Variants in MAP1B observed in about 807,000 individuals in gnomAD.
MAP1B encodes the protein microtubule-associated protein 1B.
A neutral mutation model predicts 176.1 loss-of-function variants in MAP1B; 12 were observed. The ratio of observed to expected loss-of-function variants is 0.07; its 90% CI spans 0.04 to 0.11. The LOEUF (loss-of-function observed/expected upper bound fraction) is 0.11. MAP1B is among the 10% of genes least tolerant of loss of function. The pLI is 1.00. For synonymous variants in MAP1B, 1,044 were observed against 1,135.0 expected, an observed-to-expected ratio of 0.92 and a Z score of 1.61; for missense variants, 2,523 against 2,990.5, an observed-to-expected ratio of 0.84 and a Z score of 3.65.
intron 2 of MAP1B, among the ~76,000 whole-genome samples, chr5:72,180,888 C>T (rs548962357): frequency 3.3e-5 from 5 of 152,262 alleles, no homozygotes; most frequent in Non-Finnish European, 5.9e-5. Flanking sequence ...TGTGCCTTGT[C>T]TGTTTTAACA....
intron 2 of MAP1B, among the ~76,000 whole-genome samples, chr5:72,122,540 G>C (rs2112129917): frequency 6.6e-6 from 1 of 152,128 alleles, no homozygotes; most frequent in South Asian, 2.1e-4. Flanking sequence ...CAGCAGAAAG[G>C]AATAAAATGG....
In MAP1B at chr5:72,199,335, T is replaced by G; in HGVS notation, c.5980T>G (p.Ser1994Ala). 1 of 1,614,152 alleles carries G rather than the reference T, an allele frequency of 6.2e-7. No individual in the cohort carries two copies. Residue 1994 changes from serine (S) to alanine (A), a missense_variant, in exon 5 of 7, where the codon TCT (serine) becomes GCT (alanine). Around this residue, in one of 4 missense-constraint regions of MAP1B, gnomAD observed 1,925 missense variants for 2,126.0 expected, o/e 0.91. Coordinates refer to ENST00000296755, the MANE Select transcript of MAP1B (RefSeq NM_005909.5). The surrounding 1 kb of genome is among the most constrained non-coding windows in gnomAD (Gnocchi z 4.2). ...LDDISNGYDD[S>A]EDGGHTLGDP... ...TGACATCAGCAATGGCTATGATGAC[T>G]CTGAGGATGGTGGCCACACACTTGG...
At chr5:72,181,675 A>C (rs1267644997) in intron 2 of MAP1B, among the ~76,000 whole-genome samples, 3 of 150,578 alleles carry the variant, frequency 2.0e-5, no homozygotes, top group African/African-American at 7.3e-5. Flanking sequence ...CTCCTGCCTC[A>C]GCCTCCCATG....
intron 2 of MAP1B, among the ~76,000 whole-genome samples, chr5:72,153,600 C>T (rs1461494559): frequency 3.3e-5 from 5 of 151,694 alleles, no homozygotes; most frequent in South Asian, 2.1e-4. Context: ...TGATATGTGG[C>T]GTGTGGTGGT....
At chr5:72,192,250 T>C (rs1747040434) in intron 4 of MAP1B, among the ~76,000 whole-genome samples, 1 of 152,196 alleles carries the variant, frequency 6.6e-6, no homozygotes, top group African/African-American at 2.4e-5. Context: ...AAAAACCATA[T>C]TTGATGCCCT....
intron 1 of MAP1B, among the ~76,000 whole-genome samples, chr5:72,108,150 A>C (rs1745157047): frequency 6.6e-6 from 1 of 152,154 alleles, no homozygotes; most frequent in African/African-American, 2.4e-5. Context: ...GCCGAAGCCC[A>C]TGTGCCAGGG....
At position 72,194,835 on chromosome 5, in the gene MAP1B, A is replaced by G. The variant is rs1747110912; in HGVS notation, c.1480A>G (p.Thr494Ala). The G allele has an allele frequency of 6.2e-7, 1 of 1,614,170 alleles. No individual in the cohort carries two copies. Among genetic ancestry groups the G allele is most frequent in the Non-Finnish European group, 8.5e-7 (1 of 1,180,026 alleles). ...CCGAGTCCTGTTTCCTGGGAACAGC[A>G]CCCAGTACAACATCCTGGAAGGGTT... ...IIRVLFPGNSTQYNILEGLEK... is the reference protein window; with the variant it reads ...IIRVLFPGNSAQYNILEGLEK... The change falls in exon 5 of 7, where the codon ACC becomes GCC. Residue 494 changes from threonine to alanine, a missense_variant. Physicochemically the swap from Thr to Ala is moderately conservative, Grantham distance 58. Around this residue, in one of 4 missense-constraint regions of MAP1B, gnomAD observed 1,925 missense variants for 2,126.0 expected, o/e 0.91. Transcript: ENST00000296755. The surrounding 1 kb of genome is among the most constrained non-coding windows in gnomAD (Gnocchi z 7.2).
At chr5:72,182,830 C>T (rs1021255467) in intron 2 of MAP1B, among the ~76,000 whole-genome samples, 2 of 152,188 alleles carry the variant, frequency 1.3e-5, no homozygotes, top group East Asian at 3.8e-4. Flanking sequence ...AGAGAACACC[C>T]ACTTCCCTGT....
At chr5:72,117,993 C>T (rs1032150154) in intron 2 of MAP1B, among the ~76,000 whole-genome samples, 3 of 152,182 alleles carry the variant, frequency 2.0e-5, no homozygotes, top group Admixed American at 1.3e-4. Flanking sequence ...ATGGAGATCA[C>T]AGGATGATCA....
chr5:72,145,724 G>A (rs1308992117), intron 2 of MAP1B, among the ~76,000 whole-genome samples: 1 of 152,220 alleles, frequency 6.6e-6, no homozygotes, highest in Non-Finnish European at 1.5e-5. Context: ...ATGATGATGG[G>A]AAATTGAGTT....
At chr5:72,201,077 G>T (rs10515142) in intron 5 of MAP1B, among the ~76,000 whole-genome samples, 16,842 of 152,118 alleles carry the variant, frequency 0.11, 2,186 homozygotes, top group African/African-American at 0.32. Context: ...AAATTCCACT[G>T]GGAAGCTAGA....
chr5:72,151,545 G>A (rs1279908063), intron 2 of MAP1B, among the ~76,000 whole-genome samples: 1 of 152,214 alleles, frequency 6.6e-6, no homozygotes. Flanking sequence ...AGGAAACATG[G>A]TCAAAGATGA....
At chr5:72,201,199 C>CAA (rs754841956) in intron 5 of MAP1B, among the ~76,000 whole-genome samples, 2 of 135,372 alleles carry the variant, frequency 1.5e-5, no homozygotes, top group East Asian at 2.1e-4. Context: ...CCTGTCTCCA[C>CAA]AAAAAAAAAA....
intron 2 of MAP1B, among the ~76,000 whole-genome samples, chr5:72,178,812 A>C (rs1030374278): frequency 2.0e-5 from 3 of 151,650 alleles, no homozygotes; most frequent in African/African-American, 7.3e-5. Flanking sequence ...TCCCGCAAGC[A>C]TCCTAGAAAT....
chr5:72,161,247 C>T (rs1337414280), intron 2 of MAP1B, among the ~76,000 whole-genome samples: 1 of 152,146 alleles, frequency 6.6e-6, no homozygotes, highest in East Asian at 1.9e-4. Context: ...GGCTTTGGAT[C>T]AATCACTTAA....
chr5:72,154,117 G>T (rs1038441003), intron 2 of MAP1B, among the ~76,000 whole-genome samples: 2 of 152,066 alleles, frequency 1.3e-5, no homozygotes, highest in Non-Finnish European at 2.9e-5. Flanking sequence ...AATTCCATGG[G>T]GTGTTCATTT....
rs983924535 is a variant in MAP1B at position 72,199,127 on chromosome 5, G to T, written c.5772G>T (p.Glu1924Asp). The T allele has an allele frequency of 2.4e-5, 39 of 1,613,984 alleles. No homozygotes were observed. Among genetic ancestry groups the T allele is most frequent in the Non-Finnish European group, 3.0e-5 (35 of 1,180,022 alleles). ...KSPSDSGYSY[E>D]TIGKTTKTPE... Reference sequence around the variant, plus strand: ...CAAGTGACAGTGGCTACTCCTATGAGACCATTGGGAAAACTACCAAGACCC... The same window carrying T: ...CAAGTGACAGTGGCTACTCCTATGATACCATTGGGAAAACTACCAAGACCC... The change falls in exon 5 of 7, where the codon GAG becomes GAT. Residue 1924 changes from glutamate (E) to aspartate (D), a missense_variant. By Grantham distance (45) the Glu-to-Asp change is conservative. Around this residue, in one of 4 missense-constraint regions of MAP1B, gnomAD observed 1,925 missense variants for 2,126.0 expected, o/e 0.91. Transcript: ENST00000296755. The surrounding 1 kb of genome is among the most constrained non-coding windows in gnomAD (Gnocchi z 4.2).
intron 2 of MAP1B, among the ~76,000 whole-genome samples, chr5:72,162,113 C>T (rs751022355): frequency 2.0e-5 from 3 of 152,148 alleles, no homozygotes; most frequent in African/African-American, 4.8e-5. Context: ...AGACACATCA[C>T]GCCATGCCAG....
At chr5:72,177,994 G>GTCTCT (rs1401236845) in intron 2 of MAP1B, among the ~76,000 whole-genome samples, 1 of 150,614 alleles carries the variant, frequency 6.6e-6, no homozygotes, top group Non-Finnish European at 1.5e-5. Flanking sequence ...TCCTTCTAAT[G>GTCTCT]AAAAGAGACT....
Sources: allele counts gnomAD v4.1 joint callset (sites outside exome capture counted in the v4.1 genomes callset), GRCh38; gene constraint gnomAD v4.1.1; regional missense constraint gnomAD v4.1.1; non-coding constraint Gnocchi (gnomAD v3.1); transcripts MANE v1.5; gene names NCBI Gene and HGNC (gene_info 2026-07-23, HGNC 2026-07-21).